PIK3AP1: variants seen among roughly 807,000 people sequenced by gnomAD.
PIK3AP1 encodes phosphoinositide 3-kinase adapter protein 1.
In PIK3AP1, 21 loss-of-function variants were observed where a neutral mutation model predicts 88.1. The observed-to-expected ratio is 0.24, with a 90% CI of 0.17 to 0.34. The LOEUF (loss-of-function observed/expected upper bound fraction) is 0.34, where lower values mean the gene tolerates loss of function less well. PIK3AP1 is among the 10% of genes least tolerant of loss of function. The probability of loss-of-function intolerance (pLI) is 1.00; values close to 1 mark genes in which losing one functional copy is unlikely to be tolerated. For missense variants in PIK3AP1, 828 were observed against 1,035.7 expected, an observed-to-expected ratio of 0.80 and a Z score of 2.75; for synonymous variants, 398 against 400.0, an observed-to-expected ratio of 1.00 and a Z score of 0.06.
At chr10:96,652,453 G>T (rs1334479165) in intron 4 of PIK3AP1, among the ~76,000 whole-genome samples, 1 of 151,978 alleles carries the variant, frequency 6.6e-6, no homozygotes, top group Non-Finnish European at 1.5e-5. Flanking sequence ...GGTGCCTGTA[G>T]TCCCAGCTAC....
In PIK3AP1 at chr10:96,711,739, A is replaced by AAT. The variant is rs1844439120; in HGVS notation, c.14-1757_14-1756insAT. Reference sequence around the variant, plus strand: ...ATTTCCCCCAGGATGAGATTACCAAATTTTTTTTTTTTTTTTTTTTTTTTT... The same window carrying AAT: ...ATTTCCCCCAGGATGAGATTACCAAAATTTTTTTTTTTTTTTTTTTTTTTTTT... On this transcript the variant is annotated intron_variant, in intron 1 of 16. Coordinates refer to ENST00000339364, the MANE Select transcript of PIK3AP1 (RefSeq NM_152309.3). Among the ~76,000 whole-genome samples, 14 of 66,426 alleles carry AAT rather than the reference A, an allele frequency of 2.1e-4. No individual in the cohort carries two copies. In the Admixed American group the frequency reaches 3.0e-3, roughly 14 times the overall value. 43.6% of individuals were successfully genotyped at this position (66,426 alleles called of 152,430 possible). A position where few individuals can be genotyped will look rare whatever the true frequency, so the allele number is the denominator to read the frequency against.
chr10:96,712,906 A>G (rs1226808143), intron 1 of PIK3AP1, among the ~76,000 whole-genome samples: 1 of 152,258 alleles, frequency 6.6e-6, no homozygotes, highest in Non-Finnish European at 1.5e-5. Flanking sequence ...CAATTTGTGC[A>G]ATAAGCAGAA....
At chr10:96,718,421 C>A (rs894438391) in intron 1 of PIK3AP1, among the ~76,000 whole-genome samples, 1 of 152,218 alleles carries the variant, frequency 6.6e-6, no homozygotes, top group Admixed American at 6.5e-5. Flanking sequence ...CTGTGATCTT[C>A]CCCCATGGGT....
chr10:96,713,109 C>G (rs1844458985), intron 1 of PIK3AP1, among the ~76,000 whole-genome samples: 1 of 152,020 alleles, frequency 6.6e-6, no homozygotes, highest in East Asian at 1.9e-4. Flanking sequence ...CATTACTAAT[C>G]CCATCACTTT....
intron 7 of PIK3AP1, among the ~76,000 whole-genome samples, chr10:96,646,122 T>A (rs988224605): frequency 1.3e-5 from 2 of 152,108 alleles, no homozygotes; most frequent in Admixed American, 1.3e-4. Flanking sequence ...TAGCCGGGCA[T>A]GGTGGAGCAC....
chr10:96,619,353 A>G (rs1409829840), intron 12 of PIK3AP1: 4 of 152,130 alleles, frequency 2.6e-5, no homozygotes, highest in Admixed American at 1.3e-4. Flanking sequence ...GTAAGAACAG[A>G]GATTAGAATA....
At chr10:96,704,617 C>T (rs1844338915) in intron 2 of PIK3AP1, among the ~76,000 whole-genome samples, 1 of 151,784 alleles carries the variant, frequency 6.6e-6, no homozygotes, top group Non-Finnish European at 1.5e-5. Flanking sequence ...ACTTGGGAGG[C>T]TGAGGCAGGA....
At chr10:96,596,416 G>C (rs1848754710) in intron 16 of PIK3AP1, among the ~76,000 whole-genome samples, 1 of 152,186 alleles carries the variant, frequency 6.6e-6, no homozygotes. Context: ...TTTGGGATCT[G>C]TGAGTATAAC....
At chr10:96,656,975 G>A in intron 2 of PIK3AP1, 41 bp from the exon 3 acceptor site, 1 of 1,606,212 alleles carries the variant, frequency 6.2e-7, no homozygotes, top group Non-Finnish European at 8.5e-7. Context: ...ACGGCAGGAA[G>A]GAGAACTGTG....
chr10:96,638,471 G>C (rs11188865), intron 8 of PIK3AP1, among the ~76,000 whole-genome samples: 15 of 148,202 alleles, frequency 1.0e-4, no homozygotes, highest in South Asian at 2.1e-4. Context: ...CACACACACA[G>C]ACACACACAC....
intron 2 of PIK3AP1, among the ~76,000 whole-genome samples, chr10:96,697,388 C>T (rs1457783887): frequency 2.0e-5 from 3 of 152,142 alleles, no homozygotes. Flanking sequence ...AGCCCAACAT[C>T]TTCCTCTAGA....
chr10:96,614,784 T>C (rs1849186569), intron 13 of PIK3AP1, among the ~76,000 whole-genome samples: 1 of 152,182 alleles, frequency 6.6e-6, no homozygotes, highest in African/African-American at 2.4e-5. Context: ...AATAGTTTCC[T>C]GAAACTGACC....
chr10:96,697,826 G>C lies in PIK3AP1; in HGVS notation c.430+11741C>G, dbSNP rs145196285. On this transcript the variant is annotated intron_variant, in intron 2 of 16. Coordinates refer to ENST00000339364, the MANE Select transcript of PIK3AP1 (RefSeq NM_152309.3). ...TCCAAATGTCCTCCATCCACCCAAA[G>C]GTAACCACTATCAACAGTTTTTTGT... 4.0e-3 allele frequency among the ~76,000 whole-genome samples: 604 copies of C among 152,118 alleles called. 3 individuals are homozygous for C. The highest frequency in any genetic ancestry group is 0.014 in the African/African-American group (588 of 41,510).
chr10:96,628,223 C>T (rs747829566), intron 9 of PIK3AP1, among the ~76,000 whole-genome samples, 175 bp downstream of exon 9: 5 of 152,102 alleles, frequency 3.3e-5, no homozygotes, highest in South Asian at 4.1e-4. Flanking sequence ...AAAGGGCTGA[C>T]GGGGGAGCTC....
intron 16 of PIK3AP1, 82 bp downstream of exon 16, chr10:96,602,198 A>T: frequency 8.6e-7 from 1 of 1,164,352 alleles, no homozygotes; most frequent in Non-Finnish European, 1.2e-6. Flanking sequence ...CTTATTCTTT[A>T]GTCATCTTAG....
chr10:96,714,040 G>A (rs1312599981), intron 1 of PIK3AP1, among the ~76,000 whole-genome samples: 4 of 152,174 alleles, frequency 2.6e-5, no homozygotes, highest in Non-Finnish European at 4.4e-5. Context: ...CGGGCATGGT[G>A]GCATGCGTCT....
At chr10:96,623,605 T>TAA in intron 10 of PIK3AP1, 68 bp from the exon 11 acceptor site, 1 of 1,388,618 alleles carries the variant, frequency 7.2e-7, no homozygotes, top group Non-Finnish European at 1.0e-6. Flanking sequence ...ATAATAATAA[T>TAA]GAATCCATAC....
chr10:96,665,616 A>G (rs1276827693), intron 2 of PIK3AP1, among the ~76,000 whole-genome samples: 2 of 152,196 alleles, frequency 1.3e-5, no homozygotes, highest in African/African-American at 4.8e-5. Context: ...TTAGATCATA[A>G]TGCCTTTTAA....
intron 2 of PIK3AP1, among the ~76,000 whole-genome samples, chr10:96,668,635 T>A: frequency 6.6e-6 from 1 of 152,272 alleles, no homozygotes; most frequent in East Asian, 1.9e-4. Context: ...CAGGGGAACC[T>A]GTGTGTCTCT....
Sources: allele counts gnomAD v4.1 joint callset (sites outside exome capture counted in the v4.1 genomes callset), GRCh38; gene constraint gnomAD v4.1.1; transcripts MANE v1.5; gene names NCBI Gene and HGNC (gene_info 2026-07-23, HGNC 2026-07-21).